The following TNKS variants were observed in gnomAD, a reference collection of about 807,000 sequenced individuals.
TNKS encodes tankyrase.
In TNKS, 72 loss-of-function variants were observed where a neutral mutation model predicts 135.8. The observed-to-expected ratio is 0.53, with a 90% CI of 0.44 to 0.64. The LOEUF (loss-of-function observed/expected upper bound fraction) is 0.64. TNKS is among the 30% of genes least tolerant of loss of function. The probability of loss-of-function intolerance (pLI) is 0.00; values close to 1 mark genes in which losing one functional copy is unlikely to be tolerated. For synonymous variants in TNKS, 849 were observed against 649.3 expected (o/e 1.31, Z -4.68); for missense variants, 1,769 against 1,674.0 (o/e 1.06, Z -0.99).
intron 3 of TNKS, among the ~76,000 whole-genome samples, chr8:9,623,073 A>G (rs1335053046): frequency 6.6e-6 from 1 of 152,230 alleles, no homozygotes; most frequent in Non-Finnish European, 1.5e-5. Context: ...TGTGTCTCAC[A>G]ATATCTAATT....
intron 3 of TNKS, chr8:9,670,746 T>TG (rs1802236452): frequency 6.6e-6 from 1 of 152,156 alleles, no homozygotes. Context: ...TGGATTAACT[T>TG]GTGATAAACA....
chr8:9,580,082 A>G (rs757231470), intron 1 of TNKS, 77 bp from the exon 2 acceptor site: 565 of 1,234,070 alleles, frequency 4.6e-4, no homozygotes, highest in Non-Finnish European at 5.9e-4. Context: ...ATACTTGTTG[A>G]TATTGTTACA....
At chr8:9,648,506 C>T (rs1318058500) in intron 3 of TNKS, among the ~76,000 whole-genome samples, 4 of 152,138 alleles carry the variant, frequency 2.6e-5, no homozygotes, top group East Asian at 1.9e-4. Flanking sequence ...CTCCCCATGC[C>T]GTCCCACTGA....
chr8:9,583,300 T>G (rs1478707743), intron 2 of TNKS, among the ~76,000 whole-genome samples: 1 of 152,140 alleles, frequency 6.6e-6, no homozygotes, highest in Non-Finnish European at 1.5e-5. Context: ...CTTGTATAAT[T>G]AAACAAACTA....
chr8:9,778,433 T>C lies in TNKS; in HGVS notation c.*1697T>C, dbSNP rs1486517309. Reference sequence around the variant, plus strand: ...ATGCAAAACTTCTAGAAATAGACTCTTAAAATATATACATTTTGCTTTGAT... The same window carrying C: ...ATGCAAAACTTCTAGAAATAGACTCCTAAAATATATACATTTTGCTTTGAT... On this transcript the variant is annotated 3_prime_UTR_variant, in exon 27 of 27. Coordinates refer to ENST00000310430, the MANE Select transcript of TNKS (RefSeq NM_003747.3). 1 of 152,656 alleles carries C rather than the reference T, an allele frequency of 6.6e-6. No individual in the cohort carries two copies. Among genetic ancestry groups the C allele is most frequent in the Non-Finnish European group, 1.5e-5 (1 of 68,034 alleles). 9.5% of individuals were successfully genotyped at this position (152,656 alleles called of 1,614,324 possible).
intron 3 of TNKS, among the ~76,000 whole-genome samples, chr8:9,631,049 A>T (rs961476332): frequency 3.9e-5 from 6 of 152,250 alleles, no homozygotes; most frequent in Admixed American, 1.3e-4. Flanking sequence ...TAAACAAAAC[A>T]AGTCTCAATT....
intron 5 of TNKS, among the ~76,000 whole-genome samples, chr8:9,683,008 T>G (rs1169748916): frequency 6.6e-6 from 1 of 151,958 alleles, no homozygotes; most frequent in Admixed American, 6.6e-5. Context: ...TCAAATTAAA[T>G]TAGATAGAAA....
At chr8:9,606,420 A>G (rs559522045) in intron 2 of TNKS, among the ~76,000 whole-genome samples, 4 of 152,062 alleles carry the variant, frequency 2.6e-5, no homozygotes, top group East Asian at 1.9e-4. Flanking sequence ...AAGTCCTATT[A>G]TATCTATATG....
chr8:9,687,853 T>C (rs574513038), intron 5 of TNKS, among the ~76,000 whole-genome samples: 82 of 152,366 alleles, frequency 5.4e-4, no homozygotes, highest in African/African-American at 1.9e-3. Context: ...AAATTACAAA[T>C]ATGATACTTC....
chr8:9,703,827 G>C (rs1239321520), intron 5 of TNKS, among the ~76,000 whole-genome samples: 1 of 152,156 alleles, frequency 6.6e-6, no homozygotes, highest in Non-Finnish European at 1.5e-5. Flanking sequence ...CTTTAAATTA[G>C]CAAAGGTGGA....
chr8:9,748,055 A>G lies in TNKS; in HGVS notation c.2675A>G (p.Tyr892Cys). 6.2e-7 allele frequency: 1 copy of G among 1,609,980 alleles called. No individual in the cohort carries two copies. Among genetic ancestry groups the G allele is most frequent in the Non-Finnish European group, 8.5e-7 (1 of 1,178,930 alleles). ...HVDIAALLIK[Y>C]NTCVNATDKW... The stretch of plus-strand genomic sequence containing the variant: ...GACATAGCGGCTTTATTGATAAAAT[A>G]CAACACGTGTGTAAATGCAACAGAT... The change falls in exon 18 of 27, where the codon TAC becomes TGC. Residue 892 changes from tyrosine (Y) to cysteine (C), a missense_variant. Around this residue, in one of 5 missense-constraint regions of TNKS, gnomAD observed 722 missense variants for 688.9 expected, o/e 1.05. Transcript: ENST00000310430.
intron 20 of TNKS, among the ~76,000 whole-genome samples, chr8:9,754,931 G>T (rs1806756407): frequency 6.6e-6 from 1 of 152,146 alleles, no homozygotes; most frequent in Admixed American, 6.5e-5. Flanking sequence ...CTAACTGAAG[G>T]TGTGAAAGCT....
In TNKS at chr8:9,688,164, CTG is replaced by C. The variant is rs561788712; in HGVS notation, c.1107+7366_1107+7367del. Among the ~76,000 whole-genome samples the C allele has an allele frequency of 3.0e-4, 46 of 152,232 alleles. 1 individual carries two copies. In the South Asian group the frequency reaches 7.2e-3, roughly 24 times the overall value. On this transcript the variant is annotated intron_variant, in intron 5 of 26. Transcript: ENST00000310430. ...ATGATAAAGATATTTTAAAATATCT[CTG>C]TAATGATTATGATTTGAGTACCCTT...
intron 2 of TNKS, among the ~76,000 whole-genome samples, chr8:9,605,430 A>G (rs555818534): frequency 2.0e-5 from 3 of 152,224 alleles, no homozygotes; most frequent in East Asian, 3.9e-4. Flanking sequence ...ATAAATAAAC[A>G]TATGATCATT....
chr8:9,726,606 A>G (rs772737778), intron 12 of TNKS, 35 bp from the exon 13 acceptor site: 2 of 1,478,454 alleles, frequency 1.4e-6, no homozygotes, highest in Non-Finnish European at 9.3e-7. Context: ...ATGAGTTTGG[A>G]TATATATATG....
intron 5 of TNKS, among the ~76,000 whole-genome samples, chr8:9,683,592 T>C (rs1802870012): frequency 6.6e-6 from 1 of 151,972 alleles, no homozygotes; most frequent in South Asian, 2.1e-4. Flanking sequence ...ATGTTAATTT[T>C]GAAATGTTTT....
intron 3 of TNKS, among the ~76,000 whole-genome samples, chr8:9,628,499 G>C (rs916044668): frequency 1.3e-5 from 2 of 151,692 alleles, no homozygotes; most frequent in Non-Finnish European, 2.9e-5. Context: ...TGACTTGCAA[G>C]GTACAAATTC....
At chr8:9,682,497 T>TC (rs1348616200) in intron 5 of TNKS, among the ~76,000 whole-genome samples, 2 of 152,140 alleles carry the variant, frequency 1.3e-5, no homozygotes, top group Admixed American at 1.3e-4. Flanking sequence ...AGAATATACT[T>TC]CCTTTAACTA....
rs543644492 is a variant in TNKS, at chr8:9,770,505, G to A, written c.3897+243G>A. ...AACAAGAGGGCAGCTGAGAAACAAA[G>A]GCTTGGGCCCTCATGCCGTTTTGAG... On this transcript the variant is annotated intron_variant, in intron 26 of 26. Transcript: ENST00000310430. Among the ~76,000 whole-genome samples the A allele has an allele frequency of 2.0e-5, 3 of 152,350 alleles. No homozygotes were observed. The South Asian group carries it at 6.2e-4, about 32-fold the overall frequency.
Sources: allele counts gnomAD v4.1 joint callset (sites outside exome capture counted in the v4.1 genomes callset), GRCh38; gene constraint gnomAD v4.1.1; regional missense constraint gnomAD v4.1.1; transcripts MANE v1.5; gene names NCBI Gene and HGNC (gene_info 2026-07-23, HGNC 2026-07-21).